SPMIP10: variants seen among roughly 807,000 people sequenced by gnomAD.
The protein encoded by SPMIP10 is sperm microtubule inner protein 10.
the SPMIP10 span, among the ~76,000 whole-genome samples, chr5:126,635,484 G>C: frequency 6.6e-6 from 1 of 151,990 alleles, no homozygotes; most frequent in African/African-American, 2.4e-5. Context: ...TAAATGACTT[G>C]AAAAGGTCAC....
At chr5:126,633,692 ACT>A in the SPMIP10 span, among the ~76,000 whole-genome samples, 1 of 151,792 alleles carries the variant, frequency 6.6e-6, no homozygotes. Context: ...ACAGGATCTC[ACT>A]CTGTCACCCA....
chr5:126,636,248 A>C, the SPMIP10 span: 1 of 1,603,118 alleles, frequency 6.2e-7, no homozygotes, highest in East Asian at 2.2e-5. Context: ...CTAATGAAAG[A>C]AGAATAAAAT....
the SPMIP10 span, among the ~76,000 whole-genome samples, chr5:126,634,760 A>G: frequency 6.6e-6 from 1 of 152,218 alleles, no homozygotes; most frequent in African/African-American, 2.4e-5. Context: ...AATTAAGTAA[A>G]GTGAATGTGC....
chr5:126,634,740 T>G, the SPMIP10 span, among the ~76,000 whole-genome samples: 1 of 152,204 alleles, frequency 6.6e-6, no homozygotes, highest in Admixed American at 6.5e-5. Context: ...CAATGAAACT[T>G]AAATAAGTGA....
At chr5:126,635,984 A>C in the SPMIP10 span, 1 of 1,480,628 alleles carries the variant, frequency 6.8e-7, no homozygotes, top group Non-Finnish European at 9.4e-7. Flanking sequence ...TAATCTAACA[A>C]GAAAATGATG....
At chr5:126,633,032 T>TATATATATATATATAA in the SPMIP10 span, among the ~76,000 whole-genome samples, 2 of 146,504 alleles carry the variant, frequency 1.4e-5, no homozygotes, top group South Asian at 4.2e-4. Context: ...TATATATATA[T>TATATATATATATATAA]AATTTAGTAT....
At chr5:126,634,444 T>C in the SPMIP10 span, among the ~76,000 whole-genome samples, 3 of 152,178 alleles carry the variant, frequency 2.0e-5, no homozygotes, top group South Asian at 6.2e-4. Context: ...AATAAATAAA[T>C]GTTTACTCAG....
chr5:126,635,961 G>A, the SPMIP10 span: 3 of 1,339,332 alleles, frequency 2.2e-6, no homozygotes, highest in Non-Finnish European at 2.1e-6. Flanking sequence ...GGCTCCTGAT[G>A]AAACTTCCTT....
At chr5:126,635,158 G>T in the SPMIP10 span, among the ~76,000 whole-genome samples, 3 of 131,822 alleles carry the variant, frequency 2.3e-5, no homozygotes, top group South Asian at 7.5e-4. Flanking sequence ...ACAGACTGAG[G>T]CCCCGTCTGT....
chr5:126,634,117 G>A, the SPMIP10 span, among the ~76,000 whole-genome samples: 3 of 152,190 alleles, frequency 2.0e-5, no homozygotes, highest in Non-Finnish European at 4.4e-5. Flanking sequence ...ATTGAAAGCA[G>A]GGATTCCAAC....
the SPMIP10 span, among the ~76,000 whole-genome samples, chr5:126,633,628 A>G: frequency 6.6e-6 from 1 of 152,020 alleles, no homozygotes; most frequent in African/African-American, 2.4e-5. Flanking sequence ...CCAAAATTCT[A>G]GGATTACAGG....
At chr5:126,632,476 A>G in the SPMIP10 span, 2 of 875,176 alleles carry the variant, frequency 2.3e-6, no homozygotes, top group Non-Finnish European at 1.9e-6. Context: ...AACTGCCTCC[A>G]GTGCCTGGAA....
the SPMIP10 span, chr5:126,631,856 C>A: frequency 7.3e-7 from 1 of 1,374,138 alleles, no homozygotes; most frequent in Non-Finnish European, 1.0e-6. Context: ...TTTTTGTTTG[C>A]TTGTTTTGCA....
chr5:126,632,477 G>A, the SPMIP10 span: 1 of 896,052 alleles, frequency 1.1e-6, no homozygotes, highest in Middle Eastern at 2.1e-4. Context: ...ACTGCCTCCA[G>A]TGCCTGGAAT....
chr5:126,636,250 G>T, the SPMIP10 span: 1 of 1,600,734 alleles, frequency 6.2e-7, no homozygotes, highest in Non-Finnish European at 8.6e-7. Context: ...AATGAAAGAA[G>T]AATAAAATAA....
At chr5:126,636,113 G>A in the SPMIP10 span, 3 of 1,614,128 alleles carry the variant, frequency 1.9e-6, no homozygotes, top group Non-Finnish European at 1.7e-6. Context: ...TTGCCATGGG[G>A]AAGATCGTAA....
chr5:126,632,744 T>C, the SPMIP10 span: 1 of 763,816 alleles, frequency 1.3e-6, no homozygotes, highest in East Asian at 2.7e-5. Flanking sequence ...TCCTAGCACT[T>C]TGGGAGACCG....
the SPMIP10 span, among the ~76,000 whole-genome samples, chr5:126,633,216 C>T: frequency 3.2e-4 from 48 of 151,706 alleles, no homozygotes; most frequent in Non-Finnish European, 1.9e-4. Flanking sequence ...CAGAAGATGC[C>T]ATTAATATTA....
chr5:126,632,519 A>G, the SPMIP10 span: 35 of 1,264,914 alleles, frequency 2.8e-5, no homozygotes, highest in Middle Eastern at 1.9e-4. Flanking sequence ...GGCTCACAAG[A>G]TGTCTTCTTG....
Sources: gnomAD v4.1 joint callset for allele counts (sites outside exome capture counted in the v4.1 genomes callset) on GRCh38, gnomAD v4.1.1 for gene constraint, MANE v1.5 for transcripts, NCBI Gene and HGNC (gene_info 2026-07-23, HGNC 2026-07-21) for gene names.